Variants in NMS observed in about 807,000 individuals in gnomAD.
NMS encodes neuromedin-S.
In NMS, 30 loss-of-function variants were observed where a neutral mutation model predicts 32.2. That is an observed-to-expected ratio of 0.93 (90% CI 0.70 to 1.26). The LOEUF (loss-of-function observed/expected upper bound fraction) is 1.26, where lower values mean the gene tolerates loss of function less well. NMS is among the 50% of genes most tolerant of loss of function. The pLI is 0.00. For missense variants in NMS, 190 were observed against 186.3 expected (o/e 1.02, Z -0.12); for synonymous variants, 76 against 58.5 (o/e 1.30, Z -1.37).
rs1478677669 is a variant in NMS, at chr2:100,472,812, G to C, written c.94G>C (p.Ala32Pro). 6.2e-7 allele frequency: 1 copy of C among 1,609,728 alleles called. No homozygotes were observed. The highest frequency in any genetic ancestry group is 1.7e-5 in the Admixed American group (1 of 59,840). The change falls in exon 2 of 10, where the codon GCT (alanine) becomes CCT (proline). Residue 32 changes from alanine to proline, a missense_variant. Ala to Pro is a conservative substitution (Grantham distance 27). Coordinates refer to ENST00000376865, the MANE Select transcript of NMS (RefSeq NM_001011717.1). ...CACAATAGGATTTCCTCAACCTTTA[G>C]CTGATCCTTCAGATGGCTTGGATAT... is the stretch of plus-strand genomic sequence containing the variant. ...IPSSGFPQPLADPSDGLDIVQ... is the reference protein window; with the variant it reads ...IPSSGFPQPLPDPSDGLDIVQ...
chr2:100,477,714 CTG>C (rs1677138707), intron 5 of NMS, among the ~76,000 whole-genome samples: 3 of 152,164 alleles, frequency 2.0e-5, no homozygotes, highest in Non-Finnish European at 4.4e-5. Context: ...CTGGTAAACA[CTG>C]TGCTCTCTTT....
At chr2:100,476,744 G>A (rs1424229343) in intron 3 of NMS, among the ~76,000 whole-genome samples, 1 of 152,160 alleles carries the variant, frequency 6.6e-6, no homozygotes, top group African/African-American at 2.4e-5. Context: ...ATCTACGCAA[G>A]CCAGGGCTGA....
intron 9 of NMS, 134 bp downstream of exon 9, chr2:100,482,445 G>A: frequency 1.2e-6 from 1 of 811,362 alleles, no homozygotes; most frequent in Non-Finnish European, 2.0e-6. Context: ...TAACCCCCAG[G>A]AACTCTGCCC....
intron 1 of NMS, among the ~76,000 whole-genome samples, chr2:100,471,045 A>G (rs760779631): frequency 2.0e-5 from 3 of 152,160 alleles, no homozygotes; most frequent in Non-Finnish European, 2.9e-5. Flanking sequence ...GGTTTTAGAG[A>G]AGCAGGGTTC....
chr2:100,475,827 C>T (rs563645298), intron 3 of NMS, among the ~76,000 whole-genome samples: 6 of 151,768 alleles, frequency 4.0e-5, no homozygotes, highest in East Asian at 1.9e-4. Flanking sequence ...TGGTAAAGCC[C>T]GTCTCTACTA....
At chr2:100,475,125 G>C (rs1179408568) in intron 3 of NMS, among the ~76,000 whole-genome samples, 1 of 152,168 alleles carries the variant, frequency 6.6e-6, no homozygotes, top group Admixed American at 6.5e-5. Flanking sequence ...ATTTTTCCAA[G>C]TCTATCCCAT....
At chr2:100,479,529 C>A in intron 6 of NMS, 102 bp downstream of exon 6, 1 of 1,007,880 alleles carries the variant, frequency 9.9e-7, no homozygotes, top group Non-Finnish European at 1.5e-6. Context: ...ATTCTCTCCT[C>A]AAATCTTAGT....
In NMS at chr2:100,479,441, T is replaced by A; in HGVS notation, c.336+14T>A. The A allele has an allele frequency of 6.2e-7, 1 of 1,606,026 alleles. No individual in the cohort carries two copies. Among genetic ancestry groups the A allele is most frequent in the Non-Finnish European group, 8.5e-7 (1 of 1,175,492 alleles). On this transcript the variant is annotated intron_variant, in intron 6 of 9. Coordinates refer to ENST00000376865, the MANE Select transcript of NMS (RefSeq NM_001011717.1). Reference sequence around the variant, plus strand: ...ATTCTGCAGCGAGTACGTGCTTTTATTCTTCCACCATAGTTTATGCCCCTC... The same window carrying A: ...ATTCTGCAGCGAGTACGTGCTTTTAATCTTCCACCATAGTTTATGCCCCTC...
intron 5 of NMS, 44 bp downstream of exon 5, chr2:100,477,458 C>A (rs1677134034): frequency 5.0e-6 from 7 of 1,407,962 alleles, no homozygotes; most frequent in Non-Finnish European, 7.0e-6. Flanking sequence ...AGTGGCTCTC[C>A]TCTGCATGTC....
chr2:100,483,241 T>G lies in NMS; in HGVS notation c.450-11T>G, dbSNP rs747159306. On this transcript the variant is annotated splice_polypyrimidine_tract_variant and intron_variant, in intron 9 of 9. Coordinates refer to ENST00000376865, the MANE Select transcript of NMS (RefSeq NM_001011717.1). ...TGAACTGAGCAGTGCATTTTTCTTT[T>G]CTTTTTTTAGGATTCAGTGGTGAAA... 1 of 1,612,222 alleles carries G rather than the reference T, an allele frequency of 6.2e-7. No individual in the cohort carries two copies. The highest frequency in any genetic ancestry group is 1.3e-5 in the African/African-American group (1 of 74,996).
At chr2:100,481,015 T>C in intron 7 of NMS, 111 bp from the exon 8 acceptor site, 1 of 1,005,284 alleles carries the variant, frequency 9.9e-7, no homozygotes, top group Admixed American at 1.7e-5. Context: ...CAGAGGTTGT[T>C]GGTGCCACTG....
chr2:100,471,872 T>G (rs1677012170), intron 1 of NMS, among the ~76,000 whole-genome samples: 1 of 152,214 alleles, frequency 6.6e-6, no homozygotes, highest in South Asian at 2.1e-4. Flanking sequence ...GTTCTCAAAA[T>G]AGTTGAAAGC....
intron 3 of NMS, 59 bp downstream of exon 3, chr2:100,473,598 C>A: frequency 1.7e-6 from 1 of 588,622 alleles, no homozygotes; most frequent in Non-Finnish European, 2.5e-6. Flanking sequence ...AACAAACACA[C>A]TCTTTTGCTA....
intron 9 of NMS, among the ~76,000 whole-genome samples, chr2:100,483,032 C>T (rs1316695655): frequency 1.3e-5 from 2 of 152,192 alleles, no homozygotes; most frequent in African/African-American, 4.8e-5. Context: ...CAAAGATGCT[C>T]CCTGAGGCCA....
chr2:100,470,513 C>T lies in NMS; in HGVS notation c.25C>T (p.Pro9Ser), dbSNP rs1676988671. The T allele has an allele frequency of 6.2e-7, 1 of 1,612,250 alleles. No individual in the cohort carries two copies. ...AATGAAACATCTTCGTCCCCAGTTC[C>T]CTCTCATCTTGGCCATCTACTGCTT... is the stretch of plus-strand genomic sequence containing the variant. MKHLRPQF[P>S]LILAIYCFCM... Residue 9 changes from proline to serine, a missense_variant, in exon 1 of 10, where the codon CCT (proline) becomes TCT (serine). By Grantham distance (74) the Pro-to-Ser change is moderately conservative. Transcript: ENST00000376865.
chr2:100,483,177 A>G, intron 9 of NMS, 75 bp from the exon 10 acceptor site: 1 of 1,322,420 alleles, frequency 7.6e-7, no homozygotes, highest in Non-Finnish European at 1.1e-6. Flanking sequence ...GTTACATAAT[A>G]ACCTGCCCAT....
chr2:100,482,365 A>T (rs1359562510), intron 9 of NMS, 54 bp downstream of exon 9: 1 of 1,547,684 alleles, frequency 6.5e-7, no homozygotes, highest in Non-Finnish European at 8.9e-7. Flanking sequence ...AGCAAATTTT[A>T]TGTGTCTGAC....
chr2:100,474,340 C>G (rs901665888), intron 3 of NMS, among the ~76,000 whole-genome samples: 28 of 152,304 alleles, frequency 1.8e-4, no homozygotes, highest in African/African-American at 6.3e-4. Flanking sequence ...CTCACCTCCC[C>G]CAACCCACAG....
At chr2:100,470,667 T>TC in intron 1 of NMS, 103 bp downstream of exon 1, 2 of 898,594 alleles carry the variant, frequency 2.2e-6, no homozygotes, top group Non-Finnish European at 3.7e-6. Context: ...AGCTTTATTC[T>TC]CCCCCGCCAG....
Sources: allele counts gnomAD v4.1 joint callset (sites outside exome capture counted in the v4.1 genomes callset), GRCh38; gene constraint gnomAD v4.1.1; transcripts MANE v1.5; gene names NCBI Gene and HGNC (gene_info 2026-07-23, HGNC 2026-07-21).